Variants in SREK1 observed in about 807,000 individuals in gnomAD.
SREK1 encodes the protein splicing regulatory glutamine/lysine-rich protein 1.
In SREK1, 13 loss-of-function variants were observed where a neutral mutation model predicts 66.5. That is an observed-to-expected ratio of 0.20 (90% CI 0.13 to 0.31). The LOEUF (loss-of-function observed/expected upper bound fraction) is 0.31, where lower values mean the gene tolerates loss of function less well. Among genes scored for constraint, SREK1 ranks in the 10% least tolerant of loss-of-function variants. SREK1 has a pLI of 1.00. For synonymous variants in SREK1, 265 were observed against 263.5 expected (o/e 1.01, Z -0.05); for missense variants, 607 against 769.6 (o/e 0.79, Z 2.50).
At chr5:66,163,698 C>A in intron 5 of SREK1, 94 bp from the exon 6 acceptor site, 1 of 1,327,130 alleles carries the variant, frequency 7.5e-7, no homozygotes. Flanking sequence ...CTGAGATGTC[C>A]TCACGTTTAT....
intron 1 of SREK1, among the ~76,000 whole-genome samples, chr5:66,150,173 A>G (rs1204916083): frequency 6.6e-6 from 1 of 152,210 alleles, no homozygotes; most frequent in Admixed American, 6.5e-5. Flanking sequence ...ACTGGTGACT[A>G]ATCATTTATG....
At chr5:66,165,138 C>T (rs907012041) in intron 7 of SREK1, 1 of 335,692 alleles carries the variant, frequency 3.0e-6, no homozygotes, top group African/African-American at 2.1e-5. Context: ...AGTTTTGTGT[C>T]TAAAGATACT....
At chr5:66,170,256 G>A (rs1745519480) in intron 8 of SREK1, 86 bp downstream of exon 8, 1 of 1,452,228 alleles carries the variant, frequency 6.9e-7, no homozygotes, top group South Asian at 1.5e-5. Context: ...GGCTTCATTT[G>A]TTAAAAATCT....
intron 1 of SREK1, among the ~76,000 whole-genome samples, chr5:66,150,140 AG>A (rs1743656367): frequency 6.6e-6 from 1 of 152,254 alleles, no homozygotes; most frequent in Non-Finnish European, 1.5e-5. Context: ...GTTGCTGGTC[AG>A]CCAGGGAAAT....
At chr5:66,176,902 T>G (rs1457148894) in intron 10 of SREK1, among the ~76,000 whole-genome samples, 1 of 151,994 alleles carries the variant, frequency 6.6e-6, no homozygotes, top group Non-Finnish European at 1.5e-5. Context: ...AGCAGAGGGG[T>G]CTTTTGTTTA....
intron 11 of SREK1, 86 bp from the exon 12 acceptor site, chr5:66,178,633 C>T: frequency 7.5e-7 from 1 of 1,335,386 alleles, no homozygotes; most frequent in East Asian, 2.4e-5. Flanking sequence ...TTTAAATTTG[C>T]AAAAGATAAA....
chr5:66,177,647 A>G lies in SREK1; in HGVS notation c.1714A>G (p.Thr572Ala), dbSNP rs1237943242. The change falls in exon 11 of 12, where the codon ACT becomes GCT. Residue 572 changes from threonine to alanine, a missense_variant. By Grantham distance (58) the Thr-to-Ala change is moderately conservative. Around this residue, in one of 5 missense-constraint regions of SREK1, gnomAD observed 318 missense variants for 310.3 expected, o/e 1.02. Transcript: ENST00000334121. The part of the protein sequence containing the change: ...DGKEKLEKNS[T>A]SLKEKEHNKE... The stretch of plus-strand genomic sequence containing the variant: ...GAAGGAGAAGTTGGAGAAGAACAGT[A>G]CTTCACTTAAAGTAAGCAGCAGTCA... 6.3e-7 allele frequency: 1 copy of G among 1,596,032 alleles called. No homozygotes were observed. The highest frequency in any genetic ancestry group is 1.8e-5 in the Admixed American group (1 of 55,234).
chr5:66,153,634 T>C (rs951632894), intron 2 of SREK1, 38 bp downstream of exon 2: 6 of 1,613,624 alleles, frequency 3.7e-6, no homozygotes, highest in Non-Finnish European at 5.1e-6. Flanking sequence ...TTTGAATTTC[T>C]GTCCTGTCTG....
Position 66,178,591 on chromosome 5 carries a change from A to T in SREK1, c.1726-128A>T, listed in dbSNP as rs914035839. ...AGTGTTTGCATATTCATTTTGTGTG[A>T]AAACGTAATGAGAGAAAATCATACC... On this transcript the variant is annotated intron_variant, in intron 11 of 11. Coordinates refer to ENST00000334121, the MANE Select transcript of SREK1 (RefSeq NM_001077199.3). 1.3e-5 allele frequency: 11 copies of T among 841,452 alleles called. No homozygotes were observed. The African/African-American group carries it at 1.7e-4, about 13-fold the overall frequency. 52.1% of individuals were successfully genotyped at this position (841,452 alleles called of 1,614,324 possible).
At chr5:66,176,602 A>G (rs1237834941) in intron 10 of SREK1, among the ~76,000 whole-genome samples, 1 of 152,156 alleles carries the variant, frequency 6.6e-6, no homozygotes, top group African/African-American at 2.4e-5. Flanking sequence ...GAGATCGGGC[A>G]TGCTCAGGGT....
In SREK1 at chr5:66,177,586, A is replaced by G; in HGVS notation, c.1653A>G (p.Ser551=). Residue 551 remains serine (S), a synonymous_variant, in exon 11 of 12, where the codon TCA becomes TCG. Coordinates refer to ENST00000334121, the MANE Select transcript of SREK1 (RefSeq NM_001077199.3). ...GTGAAAGAAGAGAGAGAGAACGTTC[A>G]ACGTCTATGAGAAAGAGTTCTAATG... ...HISERRERER[S]TSMRKSSNDR... 1 of 1,611,576 alleles carries G rather than the reference A, an allele frequency of 6.2e-7. No individual in the cohort carries two copies. Among genetic ancestry groups the G allele is most frequent in the Non-Finnish European group, 8.5e-7 (1 of 1,178,488 alleles).
In SREK1 at chr5:66,177,550, G is replaced by A; in HGVS notation, c.1617G>A (p.Arg539=). ...AGGATAAAAAGAGAGAAAAAGAAAG[G>A]GACCACATCAGTGAAAGAAGAGAGA... The part of the protein sequence containing the change: ...NKKDKKREKE[R]DHISERRERE... Residue 539 remains arginine, a synonymous_variant, in exon 11 of 12, where the codon AGG becomes AGA. Transcript: ENST00000334121. 1 of 1,604,850 alleles carries A rather than the reference G, an allele frequency of 6.2e-7. No individual in the cohort carries two copies. The highest frequency in any genetic ancestry group is 8.5e-7 in the Non-Finnish European group (1 of 1,175,412).
At chr5:66,147,975 C>T (rs1437851527) in intron 1 of SREK1, among the ~76,000 whole-genome samples, 2 of 151,822 alleles carry the variant, frequency 1.3e-5, no homozygotes, top group Admixed American at 6.6e-5. Flanking sequence ...TTAGTAATTT[C>T]TGAGTGTATT....
intron 2 of SREK1, chr5:66,157,906 G>T (rs1189391021): frequency 5.3e-6 from 1 of 190,210 alleles, no homozygotes; most frequent in Non-Finnish European, 9.7e-6. Flanking sequence ...ATTTATCTCT[G>T]CACATGTGGT....
rs901253809 is a variant in SREK1, at chr5:66,180,538, T to G, written c.*1670T>G. ...TGGAAAGAGTTGCCCTTGTTGCAAGTAATGAAGCCTGATTTGATTATGAAG... is the reference window on the plus strand; with the variant it reads ...TGGAAAGAGTTGCCCTTGTTGCAAGGAATGAAGCCTGATTTGATTATGAAG... On this transcript the variant is annotated 3_prime_UTR_variant, in exon 12 of 12. Coordinates refer to ENST00000334121, the MANE Select transcript of SREK1 (RefSeq NM_001077199.3). 6.6e-6 allele frequency: 1 copy of G among 152,618 alleles called. No homozygotes were observed. Among genetic ancestry groups the G allele is most frequent in the African/African-American group, 2.4e-5 (1 of 41,454 alleles). The allele number at this position is 152,618 out of a possible 1,614,324, so 9.5% of individuals were successfully genotyped here.
At chr5:66,156,775 G>A (rs570071110) in intron 2 of SREK1, 5 of 985,012 alleles carry the variant, frequency 5.1e-6, no homozygotes, top group African/African-American at 1.7e-5. Flanking sequence ...AAGACTTTTT[G>A]TTGCCTATGT....
At chr5:66,168,768 G>A (rs1745379146) in intron 7 of SREK1, 1 of 152,176 alleles carries the variant, frequency 6.6e-6, no homozygotes, top group Non-Finnish European at 1.5e-5. Flanking sequence ...ACTTATAGAA[G>A]TTCATTCAGC....
intron 7 of SREK1, chr5:66,165,519 C>T (rs1745098371): frequency 6.6e-6 from 1 of 152,072 alleles, no homozygotes; most frequent in Non-Finnish European, 1.5e-5. Context: ...ATAGCTTTGT[C>T]CTTTTGATTT....
rs1745557045 is a variant in SREK1, at chr5:66,170,655, G to A, written c.1192G>A (p.Glu398Lys). 1 of 1,612,094 alleles carries A rather than the reference G, an allele frequency of 6.2e-7. No homozygotes were observed. Among genetic ancestry groups the A allele is most frequent in the Non-Finnish European group, 8.5e-7 (1 of 1,179,142 alleles). ...ERVKEKDREK[E>K]REREKEREKE... ...AGTGAAAGAGAAAGACAGGGAAAAG[G>A]AGAGAGAGAGGGAAAAGGAACGTGA... The change falls in exon 9 of 12, where the codon GAG becomes AAG. Residue 398 changes from glutamate (E) to lysine (K), a missense_variant. Physicochemically the swap from Glu to Lys is moderately conservative, Grantham distance 56. This residue lies in a region of SREK1 where 318 missense variants were observed against 310.3 expected (regional missense o/e 1.02). Transcript: ENST00000334121.
Sources: gnomAD v4.1 joint callset for allele counts (sites outside exome capture counted in the v4.1 genomes callset) on GRCh38, gnomAD v4.1.1 for gene constraint, gnomAD v4.1.1 regional missense constraint, MANE v1.5 for transcripts, NCBI Gene and HGNC (gene_info 2026-07-23, HGNC 2026-07-21) for gene names.